Variants in ANKRD6 observed in about 807,000 individuals in gnomAD.
ANKRD6 encodes ankyrin repeat domain-containing protein 6.
ANKRD6 carries 56 observed loss-of-function variants against 82.3 expected under a neutral mutation model. The observed-to-expected ratio is 0.68, with a 90% CI of 0.55 to 0.85. ANKRD6 has a LOEUF of 0.85. Ranked by LOEUF, ANKRD6 falls within the 40% of genes least tolerant of loss-of-function variation. ANKRD6 has a pLI of 0.00. For missense variants in ANKRD6, 852 were observed against 907.6 expected, an observed-to-expected ratio of 0.94 and a Z score of 0.79; for synonymous variants, 347 against 352.1, an observed-to-expected ratio of 0.99 and a Z score of 0.16.
chr6:89,546,328 A>C (rs992959266), intron 1 of ANKRD6, among the ~76,000 whole-genome samples: 1 of 152,212 alleles, frequency 6.6e-6, no homozygotes, highest in Non-Finnish European at 1.5e-5. Flanking sequence ...CTTAAGAAAT[A>C]TATATACCAG....
chr6:89,514,301 C>G (rs548547842), intron 1 of ANKRD6, among the ~76,000 whole-genome samples: 1 of 152,066 alleles, frequency 6.6e-6, no homozygotes, highest in Non-Finnish European at 1.5e-5. Context: ...TCGCTTGAAC[C>G]TGGGGGGCGG....
At chr6:89,505,749 A>G (rs1336783182) in intron 1 of ANKRD6, among the ~76,000 whole-genome samples, 1 of 152,240 alleles carries the variant, frequency 6.6e-6, no homozygotes, top group Non-Finnish European at 1.5e-5. Flanking sequence ...TATATATCCA[A>G]AGGAAATGAA....
At chr6:89,473,933 A>T (rs1402278828) in intron 1 of ANKRD6, among the ~76,000 whole-genome samples, 1 of 152,206 alleles carries the variant, frequency 6.6e-6, no homozygotes, top group African/African-American at 2.4e-5. Context: ...GTGAGCCAAG[A>T]TCGTGCCACT....
At chr6:89,548,441 A>T (rs1046824650) in intron 1 of ANKRD6, among the ~76,000 whole-genome samples, 7 of 152,206 alleles carry the variant, frequency 4.6e-5, no homozygotes, top group African/African-American at 1.7e-4. Context: ...ATTGATGGAC[A>T]TTTGAGTTGT....
intron 1 of ANKRD6, among the ~76,000 whole-genome samples, chr6:89,434,507 G>A (rs1770376077): frequency 6.6e-6 from 1 of 152,152 alleles, no homozygotes. Flanking sequence ...GTTGTTTTGA[G>A]ACAGAGTTTC....
At chr6:89,520,633 G>A (rs1195246142) in intron 1 of ANKRD6, among the ~76,000 whole-genome samples, 1 of 152,224 alleles carries the variant, frequency 6.6e-6, no homozygotes, top group Non-Finnish European at 1.5e-5. Flanking sequence ...TTGGATCCTA[G>A]GCTGCAGAGT....
intron 1 of ANKRD6, among the ~76,000 whole-genome samples, chr6:89,530,479 G>T (rs936113434): frequency 2.6e-5 from 4 of 152,088 alleles, no homozygotes; most frequent in African/African-American, 9.7e-5. Flanking sequence ...AGGGGGAGTA[G>T]TTCACTGTTT....
At chr6:89,618,121 A>T in intron 9 of ANKRD6, 90 bp downstream of exon 9, 1 of 1,371,838 alleles carries the variant, frequency 7.3e-7, no homozygotes, top group East Asian at 2.3e-5. Context: ...AGCCTCTTCA[A>T]ACTAACTTAA....
chr6:89,605,985 C>G (rs1445868924), intron 4 of ANKRD6, 22 bp from the exon 5 acceptor site: 1 of 1,539,648 alleles, frequency 6.5e-7, no homozygotes, highest in South Asian at 1.2e-5. Flanking sequence ...ATGTGCCTTT[C>G]CCACCTGTGT....
chr6:89,594,657 T>A (rs1200644528), intron 2 of ANKRD6, among the ~76,000 whole-genome samples: 1 of 152,206 alleles, frequency 6.6e-6, no homozygotes, highest in Non-Finnish European at 1.5e-5. Flanking sequence ...ATTTTTTTTC[T>A]TGAAATGGTT....
chr6:89,613,700 C>T (rs1407450591), intron 6 of ANKRD6, 92 bp from the exon 7 acceptor site: 8 of 1,151,032 alleles, frequency 7.0e-6, no homozygotes, highest in Non-Finnish European at 1.0e-5. Flanking sequence ...ACATGATAGT[C>T]TGCTAGCTTT....
intron 1 of ANKRD6, among the ~76,000 whole-genome samples, chr6:89,534,710 C>A (rs1374344860): frequency 3.3e-5 from 5 of 152,170 alleles, no homozygotes; most frequent in Admixed American, 2.0e-4. Flanking sequence ...GGTTCCTGCC[C>A]TCTTGGAGCT....
At chr6:89,614,849 AAAC>A (rs1455696885) in intron 7 of ANKRD6, among the ~76,000 whole-genome samples, 49 of 147,768 alleles carry the variant, frequency 3.3e-4, no homozygotes, top group Admixed American at 5.4e-4. Context: ...AAAAAAAAAA[AAAC>A]AAAAAAAAAA....
intron 5 of ANKRD6, among the ~76,000 whole-genome samples, chr6:89,610,006 G>C (rs888937342): frequency 6.6e-6 from 1 of 152,156 alleles, no homozygotes; most frequent in Non-Finnish European, 1.5e-5. Flanking sequence ...GCCATAGCCC[G>C]TAGAAAGATC....
At chr6:89,560,303 G>T (rs766597969) in intron 1 of ANKRD6, among the ~76,000 whole-genome samples, 8 of 152,206 alleles carry the variant, frequency 5.3e-5, no homozygotes, top group African/African-American at 4.8e-5. Context: ...TGTCTTCTTG[G>T]CTTGCAGATG....
chr6:89,585,407 A>T (rs764221017), intron 2 of ANKRD6, among the ~76,000 whole-genome samples: 77 of 152,330 alleles, frequency 5.1e-4, no homozygotes, highest in Admixed American at 1.8e-3. Context: ...CTAGACATGG[A>T]TGGTGGTGGT....
chr6:89,491,333 C>T (rs1419348888), intron 1 of ANKRD6, among the ~76,000 whole-genome samples: 5 of 152,146 alleles, frequency 3.3e-5, no homozygotes, highest in African/African-American at 9.7e-5. Flanking sequence ...GTTGAAGAAA[C>T]TTGAGAAAAC....
rs1488464977 is a variant in ANKRD6, at chr6:89,630,637, C to G, written c.1817C>G (p.Ser606Cys). The change falls in exon 16 of 16, where the codon TCT becomes TGT. Residue 606 changes from serine to cysteine, a missense_variant. Physicochemically the swap from Ser to Cys is moderately radical, Grantham distance 112 (BLOSUM62 -1). Coordinates refer to ENST00000339746, the MANE Select transcript of ANKRD6 (RefSeq NM_001242809.2). ...CTACCCATGAATGAGGCAGCCAGAT[C>G]TGATCAGCAGGCTGGGCCCTGCGTC... The part of the protein sequence containing the change: ...ALLPMNEAAR[S>C]DQQAGPCVNR... 6.2e-7 allele frequency: 1 copy of G among 1,612,932 alleles called. No homozygotes were observed.
At chr6:89,480,802 C>T (rs1776702976) in intron 1 of ANKRD6, among the ~76,000 whole-genome samples, 1 of 148,582 alleles carries the variant, frequency 6.7e-6, no homozygotes, top group African/African-American at 2.5e-5. Flanking sequence ...TTTTGCTGGG[C>T]ATGGTGGTGC....
Sources: allele counts gnomAD v4.1 joint callset (sites outside exome capture counted in the v4.1 genomes callset), GRCh38; gene constraint gnomAD v4.1.1; transcripts MANE v1.5; gene names NCBI Gene and HGNC (gene_info 2026-07-23, HGNC 2026-07-21).